Variants in ENTREP1 observed in about 807,000 individuals in gnomAD.
ENTREP1 encodes the protein Friedreich ataxia region gene X123.
At chr9:69,340,683 ATGTGTG>A in the ENTREP1 span, among the ~76,000 whole-genome samples, 1 of 27,118 alleles carries the variant, frequency 3.7e-5, no homozygotes, top group Non-Finnish European at 8.2e-5. Flanking sequence ...GTGTGCATGC[ATGTGTG>A]TGTGTATGTG....
the ENTREP1 span, among the ~76,000 whole-genome samples, chr9:69,384,943 C>G: frequency 6.6e-6 from 1 of 151,860 alleles, no homozygotes; most frequent in African/African-American, 2.4e-5. Flanking sequence ...TTTTCTGAGA[C>G]AGAGTTTTAC....
the ENTREP1 span, chr9:69,383,864 A>G: frequency 1.3e-6 from 2 of 1,577,324 alleles, no homozygotes; most frequent in Non-Finnish European, 8.7e-7. Context: ...CGGGCCCCAC[A>G]CATCTTTTTA....
the ENTREP1 span, among the ~76,000 whole-genome samples, chr9:69,370,072 G>A: frequency 1.3e-5 from 2 of 152,062 alleles, no homozygotes; most frequent in Non-Finnish European, 1.5e-5. Flanking sequence ...GAGATTTTGG[G>A]TTCAGTGTTA....
At chr9:69,330,954 A>T in the ENTREP1 span, among the ~76,000 whole-genome samples, 6 of 152,208 alleles carry the variant, frequency 3.9e-5, no homozygotes, top group Admixed American at 1.3e-4. Context: ...AGTTAATCAA[A>T]GTAAAATGAA....
At chr9:69,391,499 C>A in the ENTREP1 span, 3 of 926,598 alleles carry the variant, frequency 3.2e-6, no homozygotes, top group African/African-American at 1.7e-5. Flanking sequence ...TTTTTCAAAG[C>A]AATTACACAT....
the ENTREP1 span, chr9:69,391,477 C>CTTTTTTTTTT: frequency 1.4e-6 from 1 of 692,082 alleles, no homozygotes; most frequent in Non-Finnish European, 2.4e-6. Context: ...GGGAAAATGC[C>CTTTTTTTTTT]TTTTTTTTTT....
the ENTREP1 span, among the ~76,000 whole-genome samples, chr9:69,327,499 C>T: frequency 6.6e-6 from 1 of 152,126 alleles, no homozygotes; most frequent in Non-Finnish European, 1.5e-5. Flanking sequence ...GTTTAGGATT[C>T]TTAAAAACTA....
At chr9:69,335,544 G>A in the ENTREP1 span, among the ~76,000 whole-genome samples, 1 of 152,152 alleles carries the variant, frequency 6.6e-6, no homozygotes, top group East Asian at 1.9e-4. Flanking sequence ...GTGGTGGAGG[G>A]GCCAGGGTAT....
At chr9:69,340,613 A>ATGCATG in the ENTREP1 span, among the ~76,000 whole-genome samples, 6 of 114,858 alleles carry the variant, frequency 5.2e-5, no homozygotes, top group South Asian at 3.5e-4. Context: ...GTGTGTGTGC[A>ATGCATG]TGTGTGTGTG....
the ENTREP1 span, among the ~76,000 whole-genome samples, chr9:69,326,473 ACTCCTCC>A: frequency 1.2e-4 from 18 of 151,916 alleles, 1 homozygote; most frequent in South Asian, 2.1e-3. Context: ...TACAGGACCC[ACTCCTCC>A]CTCCTCCAAC....
At chr9:69,326,749 G>C in the ENTREP1 span, among the ~76,000 whole-genome samples, 2 of 151,374 alleles carry the variant, frequency 1.3e-5, no homozygotes, top group South Asian at 2.1e-4. Context: ...TATTTTTAAG[G>C]GACAGAGTTT....
At chr9:69,389,379 T>A in the ENTREP1 span, among the ~76,000 whole-genome samples, 2 of 152,228 alleles carry the variant, frequency 1.3e-5, no homozygotes, top group African/African-American at 4.8e-5. Context: ...GTCCCTTCCG[T>A]TCCCCCTTTC....
chr9:69,349,102 TG>T, the ENTREP1 span, among the ~76,000 whole-genome samples: 1 of 141,650 alleles, frequency 7.1e-6, no homozygotes, highest in Non-Finnish European at 1.5e-5. Flanking sequence ...GGGAATCGCT[TG>T]AACCCAGGAG....
the ENTREP1 span, chr9:69,387,708 T>G: frequency 3.3e-5 from 12 of 366,158 alleles, no homozygotes; most frequent in South Asian, 2.6e-4. Context: ...ATCAGAGCAT[T>G]ACATTCATCT....
At chr9:69,388,424 A>AT in the ENTREP1 span, 3 of 1,603,162 alleles carry the variant, frequency 1.9e-6, no homozygotes, top group South Asian at 3.4e-5. Flanking sequence ...GGAGGAAGCC[A>AT]TCACAAGTGC....
the ENTREP1 span, among the ~76,000 whole-genome samples, chr9:69,344,595 C>T: frequency 1.3e-5 from 2 of 152,148 alleles, no homozygotes; most frequent in South Asian, 4.2e-4. Flanking sequence ...GGCCCTGCCT[C>T]TGGCAATGAA....
the ENTREP1 span, among the ~76,000 whole-genome samples, chr9:69,334,177 A>G: frequency 2.0e-5 from 3 of 152,202 alleles, no homozygotes; most frequent in Admixed American, 2.0e-4. Flanking sequence ...TACAACTCAC[A>G]CACTGTGAGT....
the ENTREP1 span, chr9:69,336,181 T>C: frequency 8.0e-7 from 1 of 1,248,154 alleles, no homozygotes; most frequent in East Asian, 2.4e-5. Flanking sequence ...AATTGGTCCA[T>C]TTTCTATATT....
At chr9:69,377,869 T>C in the ENTREP1 span, 7 of 1,097,516 alleles carry the variant, frequency 6.4e-6, no homozygotes, top group Non-Finnish European at 8.8e-6. Context: ...AAATTTTTCC[T>C]GACTTGAGGA....
Sources: gnomAD v4.1 joint callset for allele counts (sites outside exome capture counted in the v4.1 genomes callset) on GRCh38, gnomAD v4.1.1 for gene constraint, MANE v1.5 for transcripts, NCBI Gene and HGNC (gene_info 2026-07-23, HGNC 2026-07-21) for gene names.